LMBR1: variants seen among roughly 807,000 people sequenced by gnomAD.
The protein encoded by LMBR1 is limb development membrane protein 1.
LMBR1 carries 52 observed loss-of-function variants against 73.9 expected under a neutral mutation model. That is an observed-to-expected ratio of 0.70 (90% CI 0.56 to 0.89). The LOEUF (loss-of-function observed/expected upper bound fraction) is 0.89, where lower values mean the gene tolerates loss of function less well. Ranked by LOEUF, LMBR1 falls within the 40% of genes least tolerant of loss-of-function variation. The pLI, the probability that LMBR1 is intolerant of heterozygous loss-of-function variation, is 0.00. For missense variants in LMBR1, 539 were observed against 579.8 expected (o/e 0.93, Z 0.72); for synonymous variants, 215 against 209.4 (o/e 1.03, Z -0.23).
At chr7:156,695,980 C>A (rs778664190) in intron 15 of LMBR1, among the ~76,000 whole-genome samples, 6 of 151,792 alleles carry the variant, frequency 4.0e-5, no homozygotes, top group Non-Finnish European at 7.4e-5. Context: ...ACTTTTCAAG[C>A]AATGGTGCTG....
chr7:156,706,107 A>T (rs952436583), intron 15 of LMBR1, among the ~76,000 whole-genome samples: 1 of 152,038 alleles, frequency 6.6e-6, no homozygotes, highest in African/African-American at 2.4e-5. Flanking sequence ...AAACAAGACC[A>T]GGAGTAGTTA....
intron 9 of LMBR1, among the ~76,000 whole-genome samples, chr7:156,754,699 T>C (rs757167496): frequency 1.1e-4 from 17 of 152,152 alleles, no homozygotes; most frequent in Non-Finnish European, 2.2e-4. Context: ...TAATACTAGA[T>C]TAAATAAAAT....
chr7:156,822,509 A>C (rs372402673), intron 4 of LMBR1: 1 of 152,366 alleles, frequency 6.6e-6, no homozygotes, highest in East Asian at 1.9e-4. Flanking sequence ...AAAATGAAGC[A>C]TAAAAAATCA....
chr7:156,806,997 A>G (rs1386852223), intron 4 of LMBR1, among the ~76,000 whole-genome samples: 1 of 151,844 alleles, frequency 6.6e-6, no homozygotes, highest in Non-Finnish European at 1.5e-5. Flanking sequence ...GAATTTTGTC[A>G]TATGCTTTTT....
At position 156,762,132 on chromosome 7, in the gene LMBR1, A is replaced by C; in HGVS notation, c.684+2T>G. ...CAAAATGATTTATAATTAAATACTT[A>C]CTGTTGGCTTCACTAGCAACTGACC... On this transcript the variant is annotated splice_donor_variant, in intron 8 of 16. Coordinates refer to ENST00000353442, the MANE Select transcript of LMBR1 (RefSeq NM_022458.4). LOFTEE classifies it high-confidence loss of function. 6.4e-7 allele frequency: 1 copy of C among 1,561,390 alleles called. No homozygotes were observed. The highest frequency in any genetic ancestry group is 8.8e-7 in the Non-Finnish European group (1 of 1,132,296).
chr7:156,811,111 C>T (rs1233614909), intron 4 of LMBR1, among the ~76,000 whole-genome samples: 1 of 151,948 alleles, frequency 6.6e-6, no homozygotes, highest in African/African-American at 2.4e-5. Context: ...GCGCCCAGCC[C>T]CACTTTTGAA....
intron 15 of LMBR1, among the ~76,000 whole-genome samples, chr7:156,707,279 G>A (rs181514212): frequency 1.0e-3 from 156 of 152,152 alleles, no homozygotes; most frequent in African/African-American, 3.7e-3. Context: ...AGGACCAGAT[G>A]GATTCACAGC....
At position 156,798,847 on chromosome 7, in the gene LMBR1, A is replaced by G. The variant is rs537064441; in HGVS notation, c.320-2355T>C. Among the ~76,000 whole-genome samples, 14 of 152,276 alleles carry G rather than the reference A, an allele frequency of 9.2e-5. No individual in the cohort carries two copies. In the South Asian group the frequency reaches 2.3e-3, roughly 25 times the overall value. The stretch of plus-strand genomic sequence containing the variant: ...ACGAATTATATTCATTTTACACAAG[A>G]TAGTTTTATTCCAATTAAATATCTC... On this transcript the variant is annotated intron_variant, in intron 4 of 16. Coordinates refer to ENST00000353442, the MANE Select transcript of LMBR1 (RefSeq NM_022458.4).
At chr7:156,870,848 A>T (rs1799180956) in intron 1 of LMBR1, among the ~76,000 whole-genome samples, 1 of 152,108 alleles carries the variant, frequency 6.6e-6, no homozygotes, top group Non-Finnish European at 1.5e-5. Context: ...AATGAAGCTC[A>T]TAACAATAAA....
At chr7:156,699,416 A>C (rs935930022) in intron 15 of LMBR1, among the ~76,000 whole-genome samples, 1 of 151,756 alleles carries the variant, frequency 6.6e-6, no homozygotes, top group Admixed American at 6.6e-5. Context: ...AAGATGGATT[A>C]AAGACTTAAA....
At chr7:156,748,432 T>C (rs975604382) in intron 9 of LMBR1, among the ~76,000 whole-genome samples, 1 of 152,212 alleles carries the variant, frequency 6.6e-6, no homozygotes, top group African/African-American at 2.4e-5. Context: ...CCTATCTAAG[T>C]TGTAGTTGAG....
chr7:156,868,195 CTT>C (rs537282265), intron 1 of LMBR1, among the ~76,000 whole-genome samples: 19 of 138,648 alleles, frequency 1.4e-4, no homozygotes, highest in Middle Eastern at 3.8e-3. Flanking sequence ...AGGAGATTTT[CTT>C]TTTTTTTTTT....
chr7:156,874,273 A>G (rs1799811694), intron 1 of LMBR1, among the ~76,000 whole-genome samples: 1 of 152,238 alleles, frequency 6.6e-6, no homozygotes, highest in Non-Finnish European at 1.5e-5. Flanking sequence ...GCCCGGGGCC[A>G]GCAGGGCCGG....
intron 4 of LMBR1, among the ~76,000 whole-genome samples, chr7:156,822,049 A>G (rs762542151): frequency 2.0e-4 from 30 of 152,266 alleles, no homozygotes; most frequent in Non-Finnish European, 3.8e-4. Flanking sequence ...TAGCATTGTA[A>G]TGTCCCATAT....
At chr7:156,876,125 G>A (rs1160140618) in intron 1 of LMBR1, among the ~76,000 whole-genome samples, 1 of 152,096 alleles carries the variant, frequency 6.6e-6, no homozygotes, top group East Asian at 1.9e-4. Flanking sequence ...GGTGGAAAAA[G>A]ACATTCCATG....
chr7:156,797,210 C>T (rs927374165), intron 4 of LMBR1, among the ~76,000 whole-genome samples: 1 of 152,146 alleles, frequency 6.6e-6, no homozygotes, highest in Non-Finnish European at 1.5e-5. Flanking sequence ...CTTTTCCTCC[C>T]TGGCACAAAA....
At chr7:156,775,300 G>C (rs916500103) in intron 5 of LMBR1, among the ~76,000 whole-genome samples, 2 of 152,156 alleles carry the variant, frequency 1.3e-5, no homozygotes, top group Non-Finnish European at 2.9e-5. Flanking sequence ...CCTGGGAGGA[G>C]GAGGTTGCAG....
intron 1 of LMBR1, among the ~76,000 whole-genome samples, chr7:156,874,344 G>A (rs995175577): frequency 5.9e-5 from 9 of 152,210 alleles, no homozygotes; most frequent in Admixed American, 1.3e-4. Flanking sequence ...CAGCTGGCCC[G>A]CAAGCGCCAC....
downstream of LMBR1, chr7:156,675,744 G>A (rs1563104136): frequency 1.2e-6 from 2 of 1,613,708 alleles, no homozygotes. Context: ...CACCAACATT[G>A]AAGAGCTCTT....
Sources: gnomAD v4.1 joint callset for allele counts (sites outside exome capture counted in the v4.1 genomes callset) on GRCh38, gnomAD v4.1.1 for gene constraint, MANE v1.5 for transcripts, NCBI Gene and HGNC (gene_info 2026-07-23, HGNC 2026-07-21) for gene names.